SEPTIN4: variants seen among roughly 807,000 people sequenced by gnomAD.
The protein encoded by SEPTIN4 is septin-4.
SEPTIN4 carries 52 observed loss-of-function variants against 107.1 expected under a neutral mutation model. The ratio of observed to expected loss-of-function variants is 0.49; its 90% CI spans 0.39 to 0.61. The LOEUF is 0.61. Among genes scored for constraint, SEPTIN4 ranks in the 20% least tolerant of loss-of-function variants. The pLI is 0.00. For missense variants in SEPTIN4, 1,048 were observed against 1,243.5 expected (o/e 0.84, Z 2.36); for synonymous variants, 417 against 467.0 (o/e 0.89, Z 1.38).
chr17:58,540,118 C>T (rs1294131124), intron 3 of SEPTIN4, among the ~76,000 whole-genome samples: 2 of 152,086 alleles, frequency 1.3e-5, no homozygotes, highest in Non-Finnish European at 2.9e-5. Context: ...CAAACATGGG[C>T]CAAGAATAGC....
chr17:58,521,443 C>T lies in SEPTIN4; in HGVS notation c.2572-93G>A. The T allele has an allele frequency of 6.4e-6, 10 of 1,560,656 alleles. No homozygotes were observed. The highest frequency in any genetic ancestry group is 1.7e-5 in the Admixed American group (1 of 59,628). On this transcript the variant is annotated intron_variant, in intron 10 of 13. Coordinates refer to ENST00000672673, the MANE Select transcript of SEPTIN4 (RefSeq NM_001368771.2). This position sits in a 1 kb window ranked among gnomAD's most constrained non-coding sequence, Gnocchi z 6.4. ...ATCTTCTCTGCTTCATTCTAGGAAGCCAGGGTCCTTTCCCACCCTGATAGC... is the reference window on the plus strand; with the variant it reads ...ATCTTCTCTGCTTCATTCTAGGAAGTCAGGGTCCTTTCCCACCCTGATAGC...
At chr17:58,520,891 T>A (rs2042194956) in intron 12 of SEPTIN4, 49 bp from the exon 13 acceptor site, 1 of 1,613,522 alleles carries the variant, frequency 6.2e-7, no homozygotes, top group Admixed American at 1.7e-5. Context: ...CAGCACCCGC[T>A]TAGATTGAGC....
intron 3 of SEPTIN4, chr17:58,529,007 TC>T: frequency 7.3e-7 from 1 of 1,367,776 alleles, no homozygotes; most frequent in Non-Finnish European, 1.0e-6. Flanking sequence ...CCATCCCCAC[TC>T]CCAGCTCTGC....
Position 58,542,642 on chromosome 17 carries a change from AAACCTTTGAATG to A in SEPTIN4, c.1533_1544del (p.Ile512_Phe515del), listed in dbSNP as rs1487616860. ...TTCACATACCCAGGAAGAAAGCAGTAAACCTTTGAATGGGTTGTTTGCAGGTGTGCTTGGGGG... is the reference window on the plus strand; with the variant it reads ...TTCACATACCCAGGAAGAAAGCAGTAGGTTGTTTGCAGGTGTGCTTGGGGG... On this transcript the variant is annotated inframe_deletion, in exon 1 of 14. Transcript: ENST00000672673. The A allele has an allele frequency of 6.2e-7, 1 of 1,612,014 alleles. No individual in the cohort carries two copies. The highest frequency in any genetic ancestry group is 1.3e-5 in the African/African-American group (1 of 74,846).
chr17:58,531,996 G>A, intron 3 of SEPTIN4: 1 of 1,141,644 alleles, frequency 8.8e-7, no homozygotes, highest in Non-Finnish European at 1.1e-6. Context: ...GCTCCGCCTG[G>A]ACAGCGCCCG....
chr17:58,543,827 T>C lies in SEPTIN4; in HGVS notation c.360A>G (p.Gln120=), dbSNP rs1033202310. ...CCTCTCTGGGTGGACTAACTTTCCA[T>C]TGTCTGCTTGAAGCATGGGAAGCCA... The part of the protein sequence containing the change: ...QTLASHASSR[Q]WKVSPPREEA... Residue 120 remains glutamine (Q), a synonymous_variant, in exon 1 of 14, where the codon CAA becomes CAG. Transcript: ENST00000672673. 3.1e-6 allele frequency: 5 copies of C among 1,614,004 alleles called. No individual in the cohort carries two copies. Among genetic ancestry groups the C allele is most frequent in the East Asian group, 2.2e-5 (1 of 44,894 alleles).
At chr17:58,523,298 CCG>C (rs1239995013) in intron 7 of SEPTIN4, among the ~76,000 whole-genome samples, 1 of 150,532 alleles carries the variant, frequency 6.6e-6, no homozygotes, top group East Asian at 2.0e-4. Flanking sequence ...TAACCTGAGC[CCG>C]GGGAGCCCCG....
In SEPTIN4 at chr17:58,526,962, T is replaced by C; in HGVS notation, c.1631A>G (p.Glu544Gly). Residue 544 changes from glutamate (E) to glycine (G), a missense_variant, in exon 4 of 14, where the codon GAG (glutamate) becomes GGG (glycine). Around this residue, in one of 2 missense-constraint regions of SEPTIN4, gnomAD observed 787 missense variants for 871.8 expected, o/e 0.90. Coordinates refer to ENST00000672673, the MANE Select transcript of SEPTIN4 (RefSeq NM_001368771.2). ...CAGTTCTCCATCATCCGTGGTGTCC[T>C]CCAGGAAACGCTTGATCTGGGGGAA... ...LKDEEIKRFL[E>G]DTTDDGELSK... The C allele has an allele frequency of 1.2e-6, 2 of 1,613,984 alleles. No homozygotes were observed. Among genetic ancestry groups the C allele is most frequent in the African/African-American group, 1.3e-5 (1 of 74,990 alleles).
At chr17:58,541,780 A>G in intron 2 of SEPTIN4, 142 bp downstream of exon 2, 1 of 1,593,330 alleles carries the variant, frequency 6.3e-7, no homozygotes, top group South Asian at 1.1e-5. Flanking sequence ...CAAGATGAGA[A>G]GTTCCTCTGC....
Position 58,526,852 on chromosome 17 carries a change from C to T in SEPTIN4, c.1741G>A (p.Glu581Lys). 1 of 1,613,714 alleles carries T rather than the reference C, an allele frequency of 6.2e-7. No homozygotes were observed. The highest frequency in any genetic ancestry group is 8.5e-7 in the Non-Finnish European group (1 of 1,179,952). ...KTWASRPQVP[E>K]PRPQAPDLYD... Reference sequence around the variant, plus strand: ...AGGTCCGGGGCCTGGGGCCTTGGCTCCGGGACTTGGGGCCTGGATGCCCAG... The same window carrying T: ...AGGTCCGGGGCCTGGGGCCTTGGCTTCGGGACTTGGGGCCTGGATGCCCAG... Residue 581 changes from glutamate (E) to lysine (K), a missense_variant, in exon 4 of 14, where the codon GAG becomes AAG. Coordinates refer to ENST00000672673, the MANE Select transcript of SEPTIN4 (RefSeq NM_001368771.2).
intron 7 of SEPTIN4, 103 bp from the exon 8 acceptor site, chr17:58,522,204 G>C (rs1041813656): frequency 1.3e-4 from 190 of 1,439,664 alleles, no homozygotes; most frequent in Middle Eastern, 8.9e-4. Context: ...GTGTTTTTAA[G>C]ACACTGTTAT....
rs541256821 is a variant in SEPTIN4 at position 58,529,566 on chromosome 17, C to T, written c.1615-2588G>A. The T allele has an allele frequency of 1.2e-5, 5 of 406,912 alleles. No homozygotes were observed. In the South Asian group the frequency reaches 5.2e-4, roughly 42 times the overall value. 25.2% of individuals were successfully genotyped at this position (406,912 alleles called of 1,614,324 possible). A position where few individuals can be genotyped will look rare whatever the true frequency, so the allele number is the denominator to read the frequency against. On this transcript the variant is annotated intron_variant, in intron 3 of 13. Transcript: ENST00000672673. ...CAGGCTTTTGATCCATTTGACCTCT[C>T]CTGTTAACCCCCAAGGACACTGTGG... is the stretch of plus-strand genomic sequence containing the variant.
In SEPTIN4 at chr17:58,541,977, C is replaced by G. The variant is rs1251575957; in HGVS notation, c.1562-11G>C. The G allele has an allele frequency of 6.2e-7, 1 of 1,613,344 alleles. No homozygotes were observed. Among genetic ancestry groups the G allele is most frequent in the South Asian group, 1.1e-5 (1 of 91,056 alleles). On this transcript the variant is annotated splice_polypyrimidine_tract_variant and intron_variant, in intron 1 of 13. Transcript: ENST00000672673. Reference sequence around the variant, plus strand: ...TTTCCTCAGAGACATCTGAAAGTAACAGAGAGATGGTTGCTTTTCTTCTCT... The same window carrying G: ...TTTCCTCAGAGACATCTGAAAGTAAGAGAGAGATGGTTGCTTTTCTTCTCT...
chr17:58,541,842 G>A (rs769635443), intron 2 of SEPTIN4, 80 bp downstream of exon 2: 2 of 1,614,086 alleles, frequency 1.2e-6, no homozygotes, highest in Admixed American at 3.3e-5. Context: ...CAGCTCTGTA[G>A]ATACATAGAT....
rs992762725 is a variant in SEPTIN4 at position 58,540,591 on chromosome 17, AC to A, written c.1614+74del. ...GTCTCCCTCCATGCCCACTCCCATT[AC>A]AGGACAGGAGATGGATTTGGATTGT... On this transcript the variant is annotated intron_variant, in intron 3 of 13. Transcript: ENST00000672673. The A allele has an allele frequency of 5.0e-6, 6 of 1,201,084 alleles. No homozygotes were observed. In the African/African-American group the frequency reaches 8.0e-5, roughly 16 times the overall value. 74.4% of individuals were successfully genotyped at this position (1,201,084 alleles called of 1,614,324 possible). A position where few individuals can be genotyped will look rare whatever the true frequency, so the allele number is the denominator to read the frequency against.
chr17:58,540,817 G>C (rs192783474), intron 2 of SEPTIN4, 144 bp from the exon 3 acceptor site: 8 of 789,374 alleles, frequency 1.0e-5, no homozygotes, highest in Admixed American at 8.6e-5. Flanking sequence ...CCTAGTGCAA[G>C]TGGCCCAAAC....
Position 58,520,415 on chromosome 17 carries a change from C to T in SEPTIN4, c.*11G>A, listed in dbSNP as rs767828931. 1 of 1,612,316 alleles carries T rather than the reference C, an allele frequency of 6.2e-7. No homozygotes were observed. Among genetic ancestry groups the T allele is most frequent in the African/African-American group, 1.3e-5 (1 of 74,894 alleles). On this transcript the variant is annotated 3_prime_UTR_variant, in exon 14 of 14. Coordinates refer to ENST00000672673, the MANE Select transcript of SEPTIN4 (RefSeq NM_001368771.2). ...GAGGAGGAGATTTAAATATCCAGGGCTGAAAGCCAGTTAATAGTTCTCCTT... is the reference window on the plus strand; with the variant it reads ...GAGGAGGAGATTTAAATATCCAGGGTTGAAAGCCAGTTAATAGTTCTCCTT...
rs80277549 is a variant in SEPTIN4 at position 58,533,531 on chromosome 17, T to C, written c.1615-6553A>G. Among the ~76,000 whole-genome samples the C allele has an allele frequency of 1.4e-3, 217 of 150,828 alleles. 8 individuals are homozygous for C. The East Asian group carries it at 0.034, about 23-fold the overall frequency. On this transcript the variant is annotated intron_variant, in intron 3 of 13. Transcript: ENST00000672673. Reference sequence around the variant, plus strand: ...GGAGGTGCTGGAGAAAGGTTGGACATGCAGTGATTCAGGAGAGGGCCCAGG... The same window carrying C: ...GGAGGTGCTGGAGAAAGGTTGGACACGCAGTGATTCAGGAGAGGGCCCAGG...
chr17:58,543,382 A>C lies in SEPTIN4; in HGVS notation c.805T>G (p.Leu269Val), dbSNP rs535130504. Residue 269 changes from leucine (L) to valine (V), a missense_variant, in exon 1 of 14, where the codon TTG (leucine) becomes GTG (valine). Physicochemically the swap from Leu to Val is conservative, Grantham distance 32 (BLOSUM62 1). Coordinates refer to ENST00000672673, the MANE Select transcript of SEPTIN4 (RefSeq NM_001368771.2). Reference protein sequence around the residue: ...KPKALYRNMNLDSLLKLSVLK... With the variant: ...KPKALYRNMNVDSLLKLSVLK... ...ACAGAGAGTTTGAGCAATGAGTCCA[A>C]GTTCATATTCCTATACAAGGCCTTG... is the stretch of plus-strand genomic sequence containing the variant. 5.0e-6 allele frequency: 8 copies of C among 1,614,220 alleles called. No homozygotes were observed. In the East Asian group the frequency reaches 1.3e-4, roughly 27 times the overall value.
Sources: allele counts gnomAD v4.1 joint callset (sites outside exome capture counted in the v4.1 genomes callset), GRCh38; gene constraint gnomAD v4.1.1; regional missense constraint gnomAD v4.1.1; non-coding constraint Gnocchi (gnomAD v3.1); transcripts MANE v1.5; gene names NCBI Gene and HGNC (gene_info 2026-07-23, HGNC 2026-07-21).